The following SYT16 variants were observed in gnomAD, a reference collection of about 807,000 sequenced individuals.
SYT16 encodes synaptotagmin 16.
SYT16 carries 42 observed loss-of-function variants against 61.4 expected under a neutral mutation model. The observed-to-expected ratio is 0.68, with a 90% confidence interval of 0.53 to 0.89. The LOEUF (loss-of-function observed/expected upper bound fraction) is 0.89. Ranked by LOEUF, SYT16 falls within the 40% of genes least tolerant of loss-of-function variation. The pLI, the probability that SYT16 is intolerant of heterozygous loss-of-function variation, is 0.00. For synonymous variants in SYT16, 314 were observed against 302.3 expected (o/e 1.04, Z -0.40); for missense variants, 804 against 807.3 (o/e 1.00, Z 0.05).
chr14:61,853,048 A>G (rs1235810381), intron 1 of SYT16, among the ~76,000 whole-genome samples: 1 of 152,148 alleles, frequency 6.6e-6, no homozygotes, highest in Non-Finnish European at 1.5e-5. Flanking sequence ...CCTCCTGAGT[A>G]GCTGGCATTA....
chr14:61,879,059 A>G, intron 1 of SYT16, among the ~76,000 whole-genome samples: 1 of 152,068 alleles, frequency 6.6e-6, no homozygotes, highest in East Asian at 1.9e-4. Context: ...ACAGAATTGG[A>G]TATCTCTCCC....
At chr14:61,992,111 G>T (rs2052576790) in intron 2 of SYT16, among the ~76,000 whole-genome samples, 1 of 152,022 alleles carries the variant, frequency 6.6e-6, no homozygotes, top group African/African-American at 2.4e-5. Flanking sequence ...CCATTATACC[G>T]AGGGAAACGT....
intron 1 of SYT16, among the ~76,000 whole-genome samples, chr14:61,928,991 G>A (rs1236262067): frequency 6.6e-5 from 10 of 152,346 alleles, no homozygotes; most frequent in South Asian, 2.1e-4. Context: ...GTACCATGGA[G>A]CAAGAACATT....
At chr14:61,826,797 T>G (rs1423541660) in intron 1 of SYT16, among the ~76,000 whole-genome samples, 1 of 152,036 alleles carries the variant, frequency 6.6e-6, no homozygotes, top group Non-Finnish European at 1.5e-5. Flanking sequence ...CCTACAGTTC[T>G]AGAGGTTGTA....
At chr14:61,835,223 C>A (rs892165682) in intron 1 of SYT16, among the ~76,000 whole-genome samples, 2 of 148,928 alleles carry the variant, frequency 1.3e-5, no homozygotes, top group Non-Finnish European at 3.0e-5. Flanking sequence ...AAATAGTACA[C>A]TGTAAATGTT....
rs79535132 is a variant in SYT16, at chr14:62,064,445, C to T, written c.524-5158C>T. Among the ~76,000 whole-genome samples the T allele has an allele frequency of 2.7e-3, 401 of 150,382 alleles. 2 individuals are homozygous for T. The highest frequency in any genetic ancestry group is 9.4e-3 in the African/African-American group (381 of 40,742). ...ACTTTAGATTGGTGCTTGTTTGGTG[C>T]GATGGTGGGCAAATCACTTCAGCTT... On this transcript the variant is annotated intron_variant, in intron 3 of 7. Coordinates refer to ENST00000683842, the MANE Select transcript of SYT16 (RefSeq NM_001367656.1).
At chr14:61,815,798 A>G (rs1465383128) in intron 1 of SYT16, among the ~76,000 whole-genome samples, 2 of 152,242 alleles carry the variant, frequency 1.3e-5, no homozygotes, top group African/African-American at 4.8e-5. Flanking sequence ...AGTGACAAGT[A>G]TTCCAGATAA....
rs1354699772 is a variant in SYT16, at chr14:62,105,012, G to C, written c.*4305G>C. ...ACACTAGAGAAAAACAAAAACCAAC[G>C]TTCAGATACTGTAACAAGGATAGGC... is the stretch of plus-strand genomic sequence containing the variant. On this transcript the variant is annotated 3_prime_UTR_variant, in exon 8 of 8. Coordinates refer to ENST00000683842, the MANE Select transcript of SYT16 (RefSeq NM_001367656.1). 6.6e-6 allele frequency: 1 copy of C among 152,172 alleles called. No individual in the cohort carries two copies. Among genetic ancestry groups the C allele is most frequent in the African/African-American group, 2.4e-5 (1 of 41,430 alleles). The allele number at this position is 152,172 out of a possible 1,614,324, so 9.4% of individuals were successfully genotyped here. A position where few individuals can be genotyped will look rare whatever the true frequency, so the allele number is the denominator to read the frequency against.
At chr14:62,069,854 G>A (rs369901122) in intron 4 of SYT16, 39 bp downstream of exon 4, 1 of 1,602,392 alleles carries the variant, frequency 6.2e-7, no homozygotes, top group African/African-American at 1.3e-5. Flanking sequence ...GACCAGGGAT[G>A]GCCAATGGTA....
At chr14:61,954,249 G>A (rs573451479) in intron 1 of SYT16, among the ~76,000 whole-genome samples, 1 of 149,724 alleles carries the variant, frequency 6.7e-6, no homozygotes, top group South Asian at 2.1e-4. Flanking sequence ...TAAACTTTCA[G>A]CTTCCTTTAA....
rs2057519975 is a variant in SYT16, at chr14:62,106,711, T to TG, written c.*6004_*6005insG. 6.6e-6 allele frequency: 1 copy of TG among 152,180 alleles called. No homozygotes were observed. Among genetic ancestry groups the TG allele is most frequent in the South Asian group, 2.1e-4 (1 of 4,824 alleles). 9.4% of individuals were successfully genotyped at this position (152,180 alleles called of 1,614,324 possible). On this transcript the variant is annotated 3_prime_UTR_variant, in exon 8 of 8. Coordinates refer to ENST00000683842, the MANE Select transcript of SYT16 (RefSeq NM_001367656.1). ...TAGGGCTTTGGGGATGCCTGCAGGC[T>TG]CAGGGGGAGTTTCCTCTCCTATGGT...
chr14:61,852,463 A>T (rs1299439844), intron 1 of SYT16, among the ~76,000 whole-genome samples: 1 of 152,210 alleles, frequency 6.6e-6, no homozygotes, highest in Non-Finnish European at 1.5e-5. Context: ...AAGAACATCA[A>T]TGGTAGTTTA....
chr14:62,087,067 G>T (rs1320972258), intron 7 of SYT16, among the ~76,000 whole-genome samples: 2 of 152,144 alleles, frequency 1.3e-5, no homozygotes, highest in Non-Finnish European at 2.9e-5. Flanking sequence ...GACGGCCTTG[G>T]TTTTTCATTA....
At chr14:61,948,033 G>A (rs192706594) in intron 1 of SYT16, among the ~76,000 whole-genome samples, 16 of 152,318 alleles carry the variant, frequency 1.1e-4, no homozygotes, top group African/African-American at 3.8e-4. Context: ...TGGAAGGTCT[G>A]CTTGGTAACC....
At chr14:61,821,652 C>G (rs1473875515) in intron 1 of SYT16, among the ~76,000 whole-genome samples, 2 of 152,204 alleles carry the variant, frequency 1.3e-5, no homozygotes, top group Non-Finnish European at 2.9e-5. Context: ...TCAAAGCCAG[C>G]AAGGGAGAAA....
At chr14:62,093,614 T>C (rs903842917) in intron 7 of SYT16, among the ~76,000 whole-genome samples, 41 of 152,094 alleles carry the variant, frequency 2.7e-4, no homozygotes, top group African/African-American at 9.4e-4. Flanking sequence ...TGATTTAATA[T>C]TAGCAAAATC....
intron 1 of SYT16, among the ~76,000 whole-genome samples, chr14:61,953,961 G>A (rs1054764689): frequency 2.0e-5 from 3 of 152,182 alleles, no homozygotes; most frequent in African/African-American, 4.8e-5. Context: ...ATCATAGAAT[G>A]TTTCAAACTT....
intron 1 of SYT16, among the ~76,000 whole-genome samples, chr14:61,841,239 A>G (rs2140252523): frequency 6.6e-6 from 1 of 152,342 alleles, no homozygotes; most frequent in Non-Finnish European, 1.5e-5. Flanking sequence ...TTCAAGTTCA[A>G]AAAAGAAAAA....
At chr14:62,097,372 C>T (rs1488027343) in intron 7 of SYT16, among the ~76,000 whole-genome samples, 1 of 152,096 alleles carries the variant, frequency 6.6e-6, no homozygotes, top group East Asian at 1.9e-4. Flanking sequence ...GTTTTGTAGC[C>T]ACTATTACCA....
Sources: gnomAD v4.1 joint callset for allele counts (sites outside exome capture counted in the v4.1 genomes callset) on GRCh38, gnomAD v4.1.1 for gene constraint, MANE v1.5 for transcripts, NCBI Gene and HGNC (gene_info 2026-07-23, HGNC 2026-07-21) for gene names.